The following KCNT2 variants were observed in gnomAD, a reference collection of about 807,000 sequenced individuals.
KCNT2 encodes the protein potassium channel subfamily T member 2.
A neutral mutation model predicts 153.8 loss-of-function variants in KCNT2; 67 were observed. The observed-to-expected ratio is 0.44, with a 90% CI of 0.36 to 0.53. The LOEUF (loss-of-function observed/expected upper bound fraction) is 0.53. Ranked by LOEUF, KCNT2 falls within the 20% of genes least tolerant of loss-of-function variation. The pLI, the probability that KCNT2 is intolerant of heterozygous loss-of-function variation, is 0.00. For missense variants in KCNT2, 975 were observed against 1,354.8 expected (o/e 0.72, Z 4.40); for synonymous variants, 500 against 458.8 (o/e 1.09, Z -1.15).
At chr1:196,269,150 T>C (rs142244516) in intron 25 of KCNT2, among the ~76,000 whole-genome samples, 270 of 152,242 alleles carry the variant, frequency 1.8e-3, no homozygotes, top group African/African-American at 5.0e-3. Context: ...TGTGTAAAGA[T>C]GGAATTAATG....
chr1:196,289,675 G>A (rs1660006789), intron 22 of KCNT2, among the ~76,000 whole-genome samples: 1 of 152,030 alleles, frequency 6.6e-6, no homozygotes, highest in African/African-American at 2.4e-5. Context: ...GTCACAATAT[G>A]CAAAGCTTTT....
At chr1:196,386,597 T>C (rs1192704473) in intron 13 of KCNT2, among the ~76,000 whole-genome samples, 1 of 152,256 alleles carries the variant, frequency 6.6e-6, no homozygotes, top group East Asian at 1.9e-4. Context: ...GGAGAGCAAA[T>C]TGGCATTGTG....
chr1:196,350,796 G>A (rs560558011), intron 14 of KCNT2, among the ~76,000 whole-genome samples: 1 of 152,066 alleles, frequency 6.6e-6, no homozygotes, highest in Non-Finnish European at 1.5e-5. Flanking sequence ...TGTCCTGAAT[G>A]GTAATGCCTA....
chr1:196,339,680 G>A (rs996927272), intron 16 of KCNT2, among the ~76,000 whole-genome samples: 12 of 152,138 alleles, frequency 7.9e-5, no homozygotes, highest in African/African-American at 2.9e-4. Context: ...ATAAATGAAT[G>A]TATCAGTATT....
chr1:196,390,474 G>T (rs1436177791), intron 13 of KCNT2, among the ~76,000 whole-genome samples: 5 of 151,368 alleles, frequency 3.3e-5, no homozygotes, highest in African/African-American at 1.2e-4. Flanking sequence ...GAAAATATAT[G>T]GAATGTTTTA....
chr1:196,560,059 G>A (rs1381727374), intron 1 of KCNT2, among the ~76,000 whole-genome samples: 3 of 151,544 alleles, frequency 2.0e-5, no homozygotes, highest in Non-Finnish European at 4.4e-5. Context: ...TTAATTTGCC[G>A]TATGTGATTC....
At chr1:196,445,217 T>A (rs999431064) in intron 8 of KCNT2, among the ~76,000 whole-genome samples, 1 of 151,318 alleles carries the variant, frequency 6.6e-6, no homozygotes, top group Non-Finnish European at 1.5e-5. Flanking sequence ...TATCAAGAAG[T>A]TAGTAAGATT....
At chr1:196,274,660 A>T (rs1658387883) in intron 25 of KCNT2, among the ~76,000 whole-genome samples, 1 of 151,848 alleles carries the variant, frequency 6.6e-6, no homozygotes, top group African/African-American at 2.4e-5. Context: ...CACTATGCAC[A>T]TTTTTGGAAG....
At chr1:196,415,144 C>T (rs188212970) in intron 12 of KCNT2, among the ~76,000 whole-genome samples, 107 of 151,986 alleles carry the variant, frequency 7.0e-4, no homozygotes, top group Admixed American at 2.0e-3. Flanking sequence ...ATTCACCATA[C>T]AGTCCCTACA....
intron 26 of KCNT2, among the ~76,000 whole-genome samples, chr1:196,250,177 A>T (rs1403474228): frequency 6.6e-6 from 1 of 152,118 alleles, no homozygotes; most frequent in Non-Finnish European, 1.5e-5. Context: ...GCAGAATCAC[A>T]TTACCTGACT....
chr1:196,524,480 A>G (rs1254253718), intron 1 of KCNT2, among the ~76,000 whole-genome samples: 1 of 152,168 alleles, frequency 6.6e-6, no homozygotes, highest in Non-Finnish European at 1.5e-5. Context: ...CAAGTAAATA[A>G]TTATCACTAA....
intron 5 of KCNT2, among the ~76,000 whole-genome samples, chr1:196,470,058 A>G (rs933994763): frequency 6.6e-6 from 1 of 152,242 alleles, no homozygotes; most frequent in African/African-American, 2.4e-5. Flanking sequence ...CCATATACTA[A>G]GAAATTAAGT....
intron 27 of KCNT2, among the ~76,000 whole-genome samples, chr1:196,234,572 C>T (rs140755698): frequency 1.8e-4 from 27 of 151,280 alleles, no homozygotes; most frequent in African/African-American, 6.5e-4. Context: ...CAACCCTAAC[C>T]CATCCTATCA....
Position 196,258,805 on chromosome 1 carries a change from C to G in KCNT2, c.2911-311G>C, listed in dbSNP as rs577373455. 69 of 276,756 alleles carry G rather than the reference C, an allele frequency of 2.5e-4. 1 individual carries two copies. Among genetic ancestry groups the G allele is most frequent in the African/African-American group, 1.3e-3 (58 of 45,296 alleles). The allele number at this position is 276,756 out of a possible 1,614,324, so 17.1% of individuals were successfully genotyped here. A position where few individuals can be genotyped will look rare whatever the true frequency, so the allele number is the denominator to read the frequency against. ...AGTTATTTATGATATTACTAGCATA[C>G]AGTTGTTTGAAACATACAAAACCAG... On this transcript the variant is annotated intron_variant, in intron 25 of 27. Transcript: ENST00000294725.
chr1:196,452,770 G>C (rs1676334375), intron 8 of KCNT2, among the ~76,000 whole-genome samples: 2 of 152,004 alleles, frequency 1.3e-5, no homozygotes, highest in African/African-American at 4.8e-5. Flanking sequence ...GGCTGATGGT[G>C]TGAGAGACCC....
chr1:196,593,426 T>G (rs1243540743), intron 1 of KCNT2, among the ~76,000 whole-genome samples: 1 of 151,784 alleles, frequency 6.6e-6, no homozygotes, highest in Non-Finnish European at 1.5e-5. Flanking sequence ...TCCAAATTTT[T>G]TCAATTGTGA....
rs182561161 is a variant in KCNT2, at chr1:196,488,459, A to G, written c.275+1379T>C. On this transcript the variant is annotated intron_variant, in intron 3 of 27. Transcript: ENST00000294725. ...TCTTAGTGATATTACATAGAAGTTA[A>G]TTGTAGGAAACTTTGTTCCTCTTAA... Among the ~76,000 whole-genome samples, 4 of 150,888 alleles carry G rather than the reference A, an allele frequency of 2.7e-5. No individual in the cohort carries two copies. In the East Asian group the frequency reaches 7.7e-4, roughly 29 times the overall value.
At chr1:196,508,017 T>C (rs544875167) in intron 1 of KCNT2, among the ~76,000 whole-genome samples, 1 of 151,528 alleles carries the variant, frequency 6.6e-6, no homozygotes, top group South Asian at 2.1e-4. Flanking sequence ...ATTAAGGCAT[T>C]ATGGAAGCTG....
At chr1:196,381,217 G>A (rs990737978) in intron 13 of KCNT2, among the ~76,000 whole-genome samples, 1 of 152,056 alleles carries the variant, frequency 6.6e-6, no homozygotes, top group African/African-American at 2.4e-5. Context: ...ATACTCAAAA[G>A]GGGGCTCAAA....
Sources: allele counts gnomAD v4.1 joint callset (sites outside exome capture counted in the v4.1 genomes callset), GRCh38; gene constraint gnomAD v4.1.1; transcripts MANE v1.5; gene names NCBI Gene and HGNC (gene_info 2026-07-23, HGNC 2026-07-21).